Variants in SGCZ observed in about 807,000 individuals in gnomAD.
The protein encoded by SGCZ is sarcoglycan zeta, also known as zeta-sarcoglycan.
Under a neutral mutation model 41.3 loss-of-function variants are expected in SGCZ, and 40 were observed. The ratio of observed to expected loss-of-function variants is 0.97; its 90% CI spans 0.75 to 1.26. The LOEUF is 1.26. Ranked by LOEUF, SGCZ falls within the 50% of genes most tolerant of loss-of-function variation. The pLI is 0.00. For synonymous variants in SGCZ, 206 were observed against 137.5 expected, an observed-to-expected ratio of 1.50 and a Z score of -3.49; for missense variants, 552 against 369.8, an observed-to-expected ratio of 1.49 and a Z score of -4.04.
chr8:14,430,914 G>C lies in SGCZ; in HGVS notation c.235-106710C>G, dbSNP rs527584022. Among the ~76,000 whole-genome samples the C allele has an allele frequency of 1.8e-4, 28 of 152,200 alleles. No homozygotes were observed. In the South Asian group the frequency reaches 5.8e-3, roughly 32 times the overall value. On this transcript the variant is annotated intron_variant, in intron 2 of 7. Coordinates refer to ENST00000382080, the MANE Select transcript of SGCZ (RefSeq NM_139167.4). Reference sequence around the variant, plus strand: ...TGTACACCAACAGCGACCAAGCTGAGAATCAAATCAAGAACTCAACCCCTT... The same window carrying C: ...TGTACACCAACAGCGACCAAGCTGACAATCAAATCAAGAACTCAACCCCTT...
intron 1 of SGCZ, among the ~76,000 whole-genome samples, chr8:14,950,409 C>T (rs1306513498): frequency 6.6e-6 from 1 of 151,768 alleles, no homozygotes; most frequent in Non-Finnish European, 1.5e-5. Context: ...CAGTCTTCTC[C>T]CCTCTCTCCT....
intron 2 of SGCZ, among the ~76,000 whole-genome samples, chr8:14,535,863 A>G (rs973517847): frequency 6.6e-6 from 1 of 151,840 alleles, no homozygotes; most frequent in Non-Finnish European, 1.5e-5. Flanking sequence ...AATATTAAAA[A>G]CCATGACGGC....
intron 3 of SGCZ, among the ~76,000 whole-genome samples, chr8:14,261,210 T>A (rs1187313115): frequency 6.6e-6 from 1 of 152,154 alleles, no homozygotes; most frequent in Non-Finnish European, 1.5e-5. Context: ...CCTTGCCTCT[T>A]TTGCTAATAC....
At chr8:14,468,151 C>T (rs1048853076) in intron 2 of SGCZ, among the ~76,000 whole-genome samples, 9 of 151,942 alleles carry the variant, frequency 5.9e-5, no homozygotes, top group African/African-American at 2.2e-4. Flanking sequence ...AGTTCCATCA[C>T]TTTCTAGCTA....
chr8:15,060,627 C>G (rs1804890489), intron 1 of SGCZ, among the ~76,000 whole-genome samples: 1 of 142,890 alleles, frequency 7.0e-6, no homozygotes, highest in Non-Finnish European at 1.5e-5. Flanking sequence ...ACATAGGTAA[C>G]AAACCTACAC....
intron 1 of SGCZ, among the ~76,000 whole-genome samples, chr8:15,226,274 G>A (rs1309591705): frequency 1.3e-5 from 2 of 152,028 alleles, no homozygotes; most frequent in Admixed American, 1.3e-4. Flanking sequence ...AATTCCCAGA[G>A]GCAGATAATA....
intron 1 of SGCZ, among the ~76,000 whole-genome samples, chr8:14,885,437 T>C (rs1229589934): frequency 1.3e-5 from 2 of 152,144 alleles, no homozygotes; most frequent in Non-Finnish European, 2.9e-5. Context: ...CATGCTGCTA[T>C]GCAAAACATG....
chr8:14,270,284 A>G (rs548488389), intron 3 of SGCZ, among the ~76,000 whole-genome samples: 5 of 152,264 alleles, frequency 3.3e-5, no homozygotes, highest in African/African-American at 1.2e-4. Context: ...GTGAGCCGAG[A>G]TCATGCCACT....
At chr8:14,799,667 C>A (rs556443816) in intron 1 of SGCZ, among the ~76,000 whole-genome samples, 1 of 150,600 alleles carries the variant, frequency 6.6e-6, no homozygotes, top group South Asian at 2.1e-4. Flanking sequence ...AAGGAGGGAG[C>A]GGCAAGGGCA....
chr8:15,170,557 G>A (rs1434673653), intron 1 of SGCZ, among the ~76,000 whole-genome samples: 1 of 152,126 alleles, frequency 6.6e-6, no homozygotes, highest in African/African-American at 2.4e-5. Flanking sequence ...AACAGACTGG[G>A]GAATTTGAAA....
intron 1 of SGCZ, among the ~76,000 whole-genome samples, chr8:14,628,346 A>C (rs1806532334): frequency 7.5e-6 from 1 of 132,798 alleles, no homozygotes; most frequent in South Asian, 2.4e-4. Flanking sequence ...TACAGCTGAT[A>C]ACCTCCCTCT....
chr8:14,743,026 C>T (rs1386772551), intron 1 of SGCZ, among the ~76,000 whole-genome samples: 1 of 152,076 alleles, frequency 6.6e-6, no homozygotes, highest in East Asian at 1.9e-4. Flanking sequence ...CACCACTTCA[C>T]TAATCTGCTT....
intron 4 of SGCZ, among the ~76,000 whole-genome samples, chr8:14,203,078 C>T (rs371208355): frequency 1.7e-4 from 26 of 152,274 alleles, no homozygotes; most frequent in East Asian, 1.5e-3. Context: ...TGCTTCTCCT[C>T]GCCTTCCACC....
Position 14,778,333 on chromosome 8 carries a change from G to C in SGCZ, c.40-223407C>G, listed in dbSNP as rs371742636. Among the ~76,000 whole-genome samples the C allele has an allele frequency of 6.6e-4, 100 of 152,198 alleles. 1 individual carries two copies. The South Asian group carries it at 0.02, about 31-fold the overall frequency. On this transcript the variant is annotated intron_variant, in intron 1 of 7. Transcript: ENST00000382080. ...TTTCAGAATAGGATTTCTCAAGAGA[G>C]GACACTGGTCACTTGAGGACCTAAA...
At chr8:15,113,532 T>C (rs1045403728) in intron 1 of SGCZ, among the ~76,000 whole-genome samples, 1 of 152,156 alleles carries the variant, frequency 6.6e-6, no homozygotes, top group Non-Finnish European at 1.5e-5. Flanking sequence ...ACTCTCCTTT[T>C]CAAAACATCT....
intron 1 of SGCZ, among the ~76,000 whole-genome samples, chr8:14,958,241 C>T (rs1800855229): frequency 6.6e-6 from 1 of 151,706 alleles, no homozygotes; most frequent in Non-Finnish European, 1.5e-5. Context: ...GTTTACCCTC[C>T]TAGGTTTTTA....
intron 6 of SGCZ, among the ~76,000 whole-genome samples, chr8:14,102,733 C>T (rs1018566202): frequency 2.0e-5 from 3 of 152,018 alleles, no homozygotes; most frequent in African/African-American, 7.2e-5. Flanking sequence ...TTATTCACAT[C>T]GAGTATTTAC....
chr8:14,328,791 C>T (rs148232226), intron 2 of SGCZ, among the ~76,000 whole-genome samples: 1 of 152,110 alleles, frequency 6.6e-6, no homozygotes, highest in African/African-American at 2.4e-5. Context: ...GAGGTGGAGG[C>T]TTTAAGACAT....
intron 1 of SGCZ, among the ~76,000 whole-genome samples, chr8:14,745,780 C>T (rs561447669): frequency 6.6e-6 from 1 of 151,962 alleles, no homozygotes; most frequent in Admixed American, 6.6e-5. Context: ...AAATCTGTTC[C>T]CATCAACAGT....
Sources: allele counts gnomAD v4.1 joint callset (sites outside exome capture counted in the v4.1 genomes callset), GRCh38; gene constraint gnomAD v4.1.1; transcripts MANE v1.5; gene names NCBI Gene and HGNC (gene_info 2026-07-23, HGNC 2026-07-21).